SASH1: variants seen among roughly 807,000 people sequenced by gnomAD.
SASH1 encodes the protein SAM and SH3 domain-containing protein 1.
A neutral mutation model predicts 125.2 loss-of-function variants in SASH1; 44 were observed. The observed-to-expected ratio is 0.35, with a 90% confidence interval of 0.28 to 0.45. SASH1 has a LOEUF of 0.45. Among genes scored for constraint, SASH1 ranks in the 20% least tolerant of loss-of-function variants. SASH1 has a pLI of 1.00. For synonymous variants in SASH1, 639 were observed against 649.1 expected (o/e 0.98, Z 0.24); for missense variants, 1,426 against 1,614.5 (o/e 0.88, Z 2.00).
intron 16 of SASH1, among the ~76,000 whole-genome samples, chr6:148,539,405 C>T (rs1186238782): frequency 1.3e-5 from 2 of 151,972 alleles, no homozygotes; most frequent in African/African-American, 4.8e-5. Context: ...ACTTTGTATG[C>T]CTTTATGTGC....
the SASH1 span, among the ~76,000 whole-genome samples, chr6:148,208,366 T>G: frequency 6.6e-6 from 1 of 152,190 alleles, no homozygotes; most frequent in Non-Finnish European, 1.5e-5. Context: ...TTGGCATTGT[T>G]GGGTTCACAA....
intron 1 of SASH1, among the ~76,000 whole-genome samples, chr6:148,283,919 A>G (rs1240358974): frequency 7.7e-6 from 1 of 130,548 alleles, no homozygotes; most frequent in Admixed American, 7.6e-5. Context: ...GAAATATCAT[A>G]TCTATGTAAT....
intron 1 of SASH1, among the ~76,000 whole-genome samples, chr6:148,286,102 A>G (rs1779475466): frequency 6.6e-6 from 1 of 152,098 alleles, no homozygotes; most frequent in South Asian, 2.1e-4. Flanking sequence ...ATCTTTACAA[A>G]CATCAAGGGA....
Position 148,548,336 on chromosome 6 carries a change from C to T in SASH1, c.3522C>T (p.Val1174=), listed in dbSNP as rs776986487. 1 of 1,613,566 alleles carries T rather than the reference C, an allele frequency of 6.2e-7. No individual in the cohort carries two copies. The highest frequency in any genetic ancestry group is 1.1e-5 in the South Asian group (1 of 90,882). The change falls in exon 20 of 20, where the codon GTC becomes GTT. Residue 1174 remains valine, a synonymous_variant. Coordinates refer to ENST00000367467, the MANE Select transcript of SASH1 (RefSeq NM_015278.5). ...GGLTEICRKP[V]SPGCISSVSD... ...TCACGGAAATCTGCCGAAAGCCCGT[C>T]TCTCCTGGGTGCATTTCGTCTGTGT...
chr6:148,304,543 G>C (rs1302999459), intron 1 of SASH1, among the ~76,000 whole-genome samples: 2 of 151,974 alleles, frequency 1.3e-5, no homozygotes, highest in African/African-American at 2.4e-5. Context: ...CGGGGAGGCA[G>C]AGGTTGCAGT....
the SASH1 span, among the ~76,000 whole-genome samples, chr6:148,259,594 GTCTGTCCTGC>G: frequency 6.6e-6 from 1 of 152,154 alleles, no homozygotes; most frequent in African/African-American, 2.4e-5. Flanking sequence ...GCAGGGCTAG[GTCTGTCCTGC>G]TCATGATTGT....
rs772820947 is a variant in SASH1 at position 148,533,906 on chromosome 6, A to C, written c.1870A>C (p.Thr624Pro). 2 of 1,614,038 alleles carry C rather than the reference A, an allele frequency of 1.2e-6. No individual in the cohort carries two copies. Among genetic ancestry groups the C allele is most frequent in the Non-Finnish European group, 1.7e-6 (2 of 1,179,926 alleles). The change falls in exon 15 of 20, where the codon ACC becomes CCC. Residue 624 changes from threonine (T) to proline (P), a missense_variant. This residue lies in a region of SASH1 where 225 missense variants were observed against 344.5 expected (regional missense o/e 0.65). Transcript: ENST00000367467. This position sits in a 1 kb window ranked among gnomAD's most constrained non-coding sequence, Gnocchi z 6.2. ...AGACGAGGAGAAACCCAAACGCCCC[A>C]CCAGGAGGCGTCGGAAAGGACGACC... ...SEDEEKPKRPTRRRRKGRPPQ... is the reference protein window; with the variant it reads ...SEDEEKPKRPPRRRRKGRPPQ...
intron 16 of SASH1, among the ~76,000 whole-genome samples, chr6:148,535,847 G>A (rs1458800387): frequency 6.6e-6 from 1 of 152,148 alleles, no homozygotes; most frequent in African/African-American, 2.4e-5. Flanking sequence ...TAGCATTTCT[G>A]TTGCTAAAAG....
At chr6:148,253,514 C>T in the SASH1 span, among the ~76,000 whole-genome samples, 1 of 152,136 alleles carries the variant, frequency 6.6e-6, no homozygotes, top group Admixed American at 6.5e-5. Flanking sequence ...TTAGAGATGA[C>T]ACGAAAAGCA....
At chr6:148,417,582 A>AAAAAAAAAAATAAAT (rs139692415) in intron 2 of SASH1, among the ~76,000 whole-genome samples, 2 of 147,694 alleles carry the variant, frequency 1.4e-5, no homozygotes, top group African/African-American at 5.0e-5. Context: ...GGACTCTGTC[A>AAAAAAAAAAATAAAT]AAATAAATAA....
intron 4 of SASH1, among the ~76,000 whole-genome samples, chr6:148,447,368 G>C (rs558354871): frequency 6.6e-6 from 1 of 152,118 alleles, no homozygotes; most frequent in African/African-American, 2.4e-5. Flanking sequence ...TGTTCTCTGC[G>C]GACACTTACT....
intron 2 of SASH1, among the ~76,000 whole-genome samples, chr6:148,417,784 G>C (rs147702674): frequency 6.6e-6 from 1 of 151,890 alleles, no homozygotes; most frequent in African/African-American, 2.4e-5. Flanking sequence ...CAGATTACAC[G>C]TAACGAAAAA....
rs776332852 is a variant in SASH1, at chr6:148,440,286, AG to A, written c.336+53del. ...GTTTTGCTTCTGCCTTTTTTTTTTA[AG>A]TGACACTCTGTACAAATCAGATGAA... On this transcript the variant is annotated intron_variant, in intron 3 of 19. Coordinates refer to ENST00000367467, the MANE Select transcript of SASH1 (RefSeq NM_015278.5). The A allele has an allele frequency of 8.1e-5, 131 of 1,609,246 alleles. No individual in the cohort carries two copies. The Middle Eastern group carries it at 9.9e-4, about 12-fold the overall frequency.
At chr6:148,250,614 A>G in the SASH1 span, among the ~76,000 whole-genome samples, 1 of 152,092 alleles carries the variant, frequency 6.6e-6, no homozygotes, top group African/African-American at 2.4e-5. Flanking sequence ...AAAGAATGAA[A>G]CATTACTGAA....
intron 1 of SASH1, among the ~76,000 whole-genome samples, chr6:148,379,122 G>A (rs1783030422): frequency 6.6e-6 from 1 of 152,084 alleles, no homozygotes; most frequent in Non-Finnish European, 1.5e-5. Flanking sequence ...AGCGAGTTTC[G>A]TACTTTATTT....
chr6:148,526,087 C>A (rs1477024440), intron 11 of SASH1, among the ~76,000 whole-genome samples: 1 of 125,886 alleles, frequency 7.9e-6, no homozygotes, highest in African/African-American at 3.1e-5. Context: ...AAGATGGAGT[C>A]TCGCTCTGTA....
At chr6:148,410,739 T>A (rs1784589194) in intron 2 of SASH1, among the ~76,000 whole-genome samples, 1 of 152,204 alleles carries the variant, frequency 6.6e-6, no homozygotes, top group Non-Finnish European at 1.5e-5. Context: ...ACCATGTTGC[T>A]TTAGATATGA....
intron 1 of SASH1, among the ~76,000 whole-genome samples, chr6:148,322,943 C>CTTCT: frequency 7.7e-6 from 1 of 129,838 alleles, no homozygotes; most frequent in African/African-American, 2.9e-5. Flanking sequence ...CTTTTCCTTC[C>CTTCT]TTCCTTCCTC....
At chr6:148,400,169 T>C (rs1005336996) in intron 2 of SASH1, among the ~76,000 whole-genome samples, 10 of 152,198 alleles carry the variant, frequency 6.6e-5, no homozygotes, top group African/African-American at 2.2e-4. Context: ...AGCGGTGATG[T>C]CAACAGTCTA....
Sources: gnomAD v4.1 joint callset for allele counts (sites outside exome capture counted in the v4.1 genomes callset) on GRCh38, gnomAD v4.1.1 for gene constraint, gnomAD v4.1.1 regional missense constraint, Gnocchi (gnomAD v3.1) non-coding constraint, MANE v1.5 for transcripts, NCBI Gene and HGNC (gene_info 2026-07-23, HGNC 2026-07-21) for gene names.